The following LEMD1 variants were observed in gnomAD, a reference collection of about 807,000 sequenced individuals.
The protein encoded by LEMD1 is LEM domain containing 1, also known as LEM domain-containing protein 1.
In LEMD1, 18 loss-of-function variants were observed where a neutral mutation model predicts 17.4. The observed-to-expected ratio is 1.04, with a 90% CI of 0.72 to 1.54. The LOEUF (loss-of-function observed/expected upper bound fraction) is 1.54, where lower values mean the gene tolerates loss of function less well. Among genes scored for constraint, LEMD1 ranks in the 40% most tolerant of loss-of-function variants. The pLI is 0.00. For missense variants in LEMD1, 195 were observed against 210.4 expected, an observed-to-expected ratio of 0.93 and a Z score of 0.45; for synonymous variants, 88 against 77.8, an observed-to-expected ratio of 1.13 and a Z score of -0.69.
At chr1:205,381,924 G>A in intron 5 of LEMD1, 68 bp from the exon 6 acceptor site, 1 of 1,514,788 alleles carries the variant, frequency 6.6e-7, no homozygotes. Context: ...CCCTTAAAGT[G>A]TGTGGGTCTT....
chr1:205,403,611 G>A (rs1158824842), intron 4 of LEMD1, among the ~76,000 whole-genome samples: 2 of 151,680 alleles, frequency 1.3e-5, no homozygotes, highest in Admixed American at 1.3e-4. Flanking sequence ...TATTAGTCTT[G>A]CTAGCGGTCT....
At chr1:205,419,970 C>CA (rs1665885015) in intron 2 of LEMD1, among the ~76,000 whole-genome samples, 1 of 152,004 alleles carries the variant, frequency 6.6e-6, no homozygotes, top group Non-Finnish European at 1.5e-5. Flanking sequence ...AAAAACAAAA[C>CA]AAAAAAATTG....
At chr1:205,407,941 G>T (rs6421773) in intron 4 of LEMD1, among the ~76,000 whole-genome samples, 46,633 of 151,918 alleles carry the variant, frequency 0.31, 7,478 homozygotes, top group African/African-American at 0.38. Flanking sequence ...CAAGTGTTTT[G>T]TGGGTAGAGA....
chr1:205,412,131 C>A (rs915104812), intron 4 of LEMD1, among the ~76,000 whole-genome samples: 4 of 152,190 alleles, frequency 2.6e-5, no homozygotes, highest in African/African-American at 4.8e-5. Flanking sequence ...AATTATACGG[C>A]CACCTTACTC....
intron 4 of LEMD1, among the ~76,000 whole-genome samples, chr1:205,401,463 T>TGTGTC (rs376641616): frequency 0.3 from 45,029 of 150,546 alleles, 6,577 homozygotes; most frequent in African/African-American, 0.37. Flanking sequence ...ATGAGCATTT[T>TGTGTC]TTCATGTGTC....
At chr1:205,407,284 C>T (rs1051363957) in intron 4 of LEMD1, among the ~76,000 whole-genome samples, 4 of 147,702 alleles carry the variant, frequency 2.7e-5, no homozygotes, top group Non-Finnish European at 5.9e-5. Context: ...AAGCTGAAAT[C>T]GCACCATTGC....
chr1:205,385,199 CT>C (rs1663933731), intron 4 of LEMD1: 1 of 151,988 alleles, frequency 6.6e-6, no homozygotes, highest in South Asian at 2.1e-4. Context: ...ACATTTTGTA[CT>C]GTAGTGTTTT....
intron 1 of LEMD1, among the ~76,000 whole-genome samples, chr1:205,431,458 A>T (rs796794060): frequency 6.6e-6 from 1 of 152,334 alleles, no homozygotes; most frequent in African/African-American, 2.4e-5. Context: ...TGTGGATATT[A>T]TTATCTGCAT....
chr1:205,434,730 T>C (rs897515607), intron 1 of LEMD1, among the ~76,000 whole-genome samples: 3 of 152,164 alleles, frequency 2.0e-5, no homozygotes, highest in Non-Finnish European at 4.4e-5. Context: ...TTTATGTCCA[T>C]ACTCCTGACT....
intron 4 of LEMD1, among the ~76,000 whole-genome samples, chr1:205,407,816 G>A (rs1052573716): frequency 4.6e-5 from 7 of 152,260 alleles, no homozygotes; most frequent in East Asian, 3.9e-4. Flanking sequence ...GGGATCTGAC[G>A]CTAACTCCAG....
chr1:205,381,822 A>T lies in LEMD1; in HGVS notation c.382T>A (p.Tyr128Asn). ...TCTCTCTCTTTGGTGATAGTCCCAT[A>T]TGTGATTCTGGTGCTTGGTGCTCTT... ...AARAPSTRIT[Y>N]GTITKERDYC... Residue 128 changes from tyrosine (Y) to asparagine (N), a missense_variant, in exon 6 of 6, where the codon TAT becomes AAT. Tyr to Asn is a moderately radical substitution (Grantham distance 143). Transcript: ENST00000367153. 1 of 1,614,046 alleles carries T rather than the reference A, an allele frequency of 6.2e-7. No homozygotes were observed. Among genetic ancestry groups the T allele is most frequent in the Non-Finnish European group, 8.5e-7 (1 of 1,180,004 alleles).
At position 205,448,194 on chromosome 1, in the gene LEMD1, G is replaced by A; in HGVS notation, c.-39+1674C>T. On this transcript the variant is annotated intron_variant, in intron 1 of 3. Transcript: ENST00000367154. The surrounding 1 kb of genome is among the most constrained non-coding windows in gnomAD (Gnocchi z 4.7). ...GTCACACGGCTTAGCCCCGATCCCA[G>A]GTTACCAGATCCCGTGATGCCCCAC... The A allele has an allele frequency of 2.3e-6, 1 of 443,998 alleles. No individual in the cohort carries two copies. The highest frequency in any genetic ancestry group is 4.6e-6 in the Non-Finnish European group (1 of 216,094). The allele number at this position is 443,998 out of a possible 1,614,324, so 27.5% of individuals were successfully genotyped here.
At chr1:205,428,932 G>A (rs1456543463) in intron 1 of LEMD1, among the ~76,000 whole-genome samples, 1 of 152,188 alleles carries the variant, frequency 6.6e-6, no homozygotes, top group Non-Finnish European at 1.5e-5. Flanking sequence ...AACCAGAGGT[G>A]CCCTTCTCTG....
Position 205,381,793 on chromosome 1 carries a change from G to T in LEMD1, c.411C>A (p.Tyr137Ter). 1 of 1,614,174 alleles carries T rather than the reference G, an allele frequency of 6.2e-7. No homozygotes were observed. Among genetic ancestry groups the T allele is most frequent in the Non-Finnish European group, 8.5e-7 (1 of 1,180,026 alleles). ...TYGTITKERD[Y>*]CAEDQTIESW... The stretch of plus-strand genomic sequence containing the variant: ...TCTCGATAGTCTGGTCTTCCGCGCA[G>T]TAGTCTCTCTCTTTGGTGATAGTCC... Residue 137 changes from tyrosine to a stop codon, truncating the protein, a stop_gained, in exon 6 of 6, where the codon TAC becomes TAA. Coordinates refer to ENST00000367153, the MANE Select transcript of LEMD1 (RefSeq NM_001199050.2). LOFTEE classifies it low-confidence loss of function (END_TRUNC).
intron 1 of LEMD1, among the ~76,000 whole-genome samples, chr1:205,429,765 C>A (rs568885681): frequency 2.6e-5 from 4 of 151,432 alleles, no homozygotes; most frequent in Admixed American, 1.3e-4. Flanking sequence ...GCATTTTTCT[C>A]GGCTATTTTG....
chr1:205,441,926 T>C lies in LEMD1; in HGVS notation c.-39+7942A>G, dbSNP rs1666299906. 6.6e-6 allele frequency among the ~76,000 whole-genome samples: 1 copy of C among 152,276 alleles called. No homozygotes were observed. Among genetic ancestry groups the C allele is most frequent in the South Asian group, 2.1e-4 (1 of 4,826 alleles). The stretch of plus-strand genomic sequence containing the variant: ...GGGGCCGCTCTGGTATCTGTTGCAG[T>C]CTGGCTGGGGAAGAGAGGGAGCTTC... On this transcript the variant is annotated intron_variant, in intron 1 of 3. Coordinates refer to the LEMD1 transcript ENST00000367154. The surrounding 1 kb of genome is among the most constrained non-coding windows in gnomAD (Gnocchi z 4.3).
At chr1:205,404,282 G>A (rs1201422046) in intron 4 of LEMD1, among the ~76,000 whole-genome samples, 2 of 152,062 alleles carry the variant, frequency 1.3e-5, no homozygotes, top group Admixed American at 1.3e-4. Flanking sequence ...TCGTTGATCT[G>A]TCTAATGTTG....
chr1:205,433,623 C>G (rs1666160920), intron 1 of LEMD1, among the ~76,000 whole-genome samples: 1 of 152,188 alleles, frequency 6.6e-6, no homozygotes, highest in Non-Finnish European at 1.5e-5. Flanking sequence ...TACATTTCCC[C>G]ATGCAAGAGG....
intron 4 of LEMD1, among the ~76,000 whole-genome samples, chr1:205,404,343 CTT>C (rs1664991674): frequency 6.6e-6 from 1 of 151,930 alleles, no homozygotes; most frequent in African/African-American, 2.4e-5. Flanking sequence ...GTCTAAGTCT[CTT>C]TGTAGGTCAC....
Sources: allele counts gnomAD v4.1 joint callset (sites outside exome capture counted in the v4.1 genomes callset), GRCh38; gene constraint gnomAD v4.1.1; non-coding constraint Gnocchi (gnomAD v3.1); transcripts MANE v1.5; gene names NCBI Gene and HGNC (gene_info 2026-07-23, HGNC 2026-07-21).